Variants in KLF13 observed in about 807,000 individuals in gnomAD.
The protein encoded by KLF13 is Krueppel-like factor 13.
In KLF13, 8 loss-of-function variants were observed where a neutral mutation model predicts 16.7. The observed-to-expected ratio is 0.48, with a 90% CI of 0.28 to 0.87. The LOEUF (loss-of-function observed/expected upper bound fraction) is 0.87, where lower values mean the gene tolerates loss of function less well. KLF13 is among the 40% of genes least tolerant of loss of function. The pLI is 0.10. For missense variants in KLF13, 447 were observed against 452.2 expected (o/e 0.99, Z 0.10); for synonymous variants, 245 against 208.4 (o/e 1.18, Z -1.51).
intron 1 of KLF13, among the ~76,000 whole-genome samples, chr15:31,336,492 A>G (rs556935138): frequency 6.6e-6 from 1 of 152,308 alleles, no homozygotes; most frequent in Admixed American, 6.5e-5. Flanking sequence ...AGGGCCTGTG[A>G]TACAGCCAGA....
At chr15:31,398,119 C>T (rs1341031354) in intron 2 of KLF13, among the ~76,000 whole-genome samples, 5 of 152,208 alleles carry the variant, frequency 3.3e-5, no homozygotes, top group Non-Finnish European at 5.9e-5. Context: ...CCTGATCTCT[C>T]GGATAAGGCC....
intron 2 of KLF13, chr15:31,403,349 A>G (rs1368203892): frequency 1.3e-5 from 2 of 152,138 alleles, no homozygotes; most frequent in Non-Finnish European, 2.9e-5. Flanking sequence ...CACAAACGAG[A>G]TATGCTGTCG....
chr15:31,413,041 C>T (rs922614290), intron 1 of KLF13, among the ~76,000 whole-genome samples: 1 of 152,056 alleles, frequency 6.6e-6, no homozygotes, highest in Non-Finnish European at 1.5e-5. Flanking sequence ...GGCATCAATG[C>T]CCCAGGGCAC....
At chr15:31,345,436 C>T (rs2039098752) in intron 1 of KLF13, among the ~76,000 whole-genome samples, 1 of 152,194 alleles carries the variant, frequency 6.6e-6, no homozygotes, top group Non-Finnish European at 1.5e-5. Context: ...TGCCTCTTTC[C>T]CATTCGGGCA....
chr15:31,377,405 G>A lies in KLF13; in HGVS notation c.*5106G>A, dbSNP rs1056022798. ...AGCAACTATGCATTGTCATTGTCGG[G>A]TTTGGGGCTTTCGGTGGTTCCTTGG... On this transcript the variant is annotated 3_prime_UTR_variant, in exon 2 of 2. Coordinates refer to ENST00000307145, the MANE Select transcript of KLF13 (RefSeq NM_015995.4). 3 of 152,702 alleles carry A rather than the reference G, an allele frequency of 2.0e-5. No individual in the cohort carries two copies. Among genetic ancestry groups the A allele is most frequent in the African/African-American group, 7.2e-5 (3 of 41,448 alleles). The allele number at this position is 152,702 out of a possible 1,614,324, so 9.5% of individuals were successfully genotyped here.
chr15:31,387,666 C>A (rs1020158677), intron 1 of KLF13, among the ~76,000 whole-genome samples: 1 of 152,122 alleles, frequency 6.6e-6, no homozygotes, highest in African/African-American at 2.4e-5. Context: ...TCTTTGTATT[C>A]ACTGTAGGTG....
In KLF13 at chr15:31,423,105, ACG is replaced by A. The variant is rs374279603; in HGVS notation, n.118-12264_118-12263del. ...CATATATATACGTATATATACGTAT[ACG>A]TATACGTATATATACGTATATATAC... On this transcript the variant is annotated intron_variant and non_coding_transcript_variant, in intron 1 of 1. Transcript: ENST00000558225. Among the ~76,000 whole-genome samples the A allele has an allele frequency of 3.4e-4, 30 of 87,524 alleles. 4 individuals carry two copies. Among genetic ancestry groups the A allele is most frequent in the African/African-American group, 1.4e-3 (18 of 12,936 alleles). The allele number at this position is 87,524 out of a possible 152,430, so 57.4% of individuals were successfully genotyped here.
Position 31,377,474 on chromosome 15 carries a change from G to C in KLF13, c.*5175G>C, listed in dbSNP as rs944175346. 6.6e-6 allele frequency: 1 copy of C among 152,612 alleles called. No individual in the cohort carries two copies. Among genetic ancestry groups the C allele is most frequent in the African/African-American group, 2.4e-5 (1 of 41,440 alleles). The allele number at this position is 152,612 out of a possible 1,614,324, so 9.5% of individuals were successfully genotyped here. On this transcript the variant is annotated 3_prime_UTR_variant, in exon 2 of 2. Coordinates refer to ENST00000307145, the MANE Select transcript of KLF13 (RefSeq NM_015995.4). Reference sequence around the variant, plus strand: ...GTGCATGTGTTGGGTGCATGCTTCCGGGTCTCAGCTGCCCCAGGCCCGCAC... The same window carrying C: ...GTGCATGTGTTGGGTGCATGCTTCCCGGTCTCAGCTGCCCCAGGCCCGCAC...
In KLF13 at chr15:31,372,399, C is replaced by A. The variant is rs1285635629; in HGVS notation, c.*100C>A. ...GAGAGAGAACTTGATGCAAAGTCCA[C>A]GAAAAAACAATTTTTTTCACCTCAG... On this transcript the variant is annotated 3_prime_UTR_variant, in exon 2 of 2. Coordinates refer to ENST00000307145, the MANE Select transcript of KLF13 (RefSeq NM_015995.4). The A allele has an allele frequency of 4.0e-6, 5 of 1,248,688 alleles. No homozygotes were observed. Among genetic ancestry groups the A allele is most frequent in the South Asian group, 2.3e-5 (1 of 43,320 alleles). 77.4% of individuals were successfully genotyped at this position (1,248,688 alleles called of 1,614,324 possible).
At chr15:31,408,404 G>A (rs752785384), downstream of KLF13, among the ~76,000 whole-genome samples, 1 of 152,162 alleles carries the variant, frequency 6.6e-6, no homozygotes, top group South Asian at 2.1e-4. Context: ...AACTTAAAAT[G>A]TGGGGATGGA....
At chr15:31,390,304 A>G (rs543521504), upstream of KLF13, among the ~76,000 whole-genome samples, 6 of 152,290 alleles carry the variant, frequency 3.9e-5, no homozygotes, top group African/African-American at 1.4e-4. Context: ...TACATCCTCA[A>G]GTAACTATCC....
intron 2 of KLF13, among the ~76,000 whole-genome samples, chr15:31,394,281 CCTGG>C (rs1228168908): frequency 6.6e-6 from 1 of 151,854 alleles, no homozygotes; most frequent in Non-Finnish European, 1.5e-5. Flanking sequence ...TCGAGACCAT[CCTGG>C]CTAACACGGT....
chr15:31,341,691 C>T (rs2039025082), intron 1 of KLF13, among the ~76,000 whole-genome samples: 1 of 152,070 alleles, frequency 6.6e-6, no homozygotes, highest in Non-Finnish European at 1.5e-5. Context: ...TGTGAGCCAC[C>T]ACACCCAGCC....
chr15:31,363,466 A>G (rs997945023), intron 1 of KLF13, among the ~76,000 whole-genome samples: 1 of 152,198 alleles, frequency 6.6e-6, no homozygotes, highest in Non-Finnish European at 1.5e-5. Context: ...GAAGTATAGT[A>G]TACTGTTTTG....
At chr15:31,356,855 G>A (rs1040220485) in intron 1 of KLF13, among the ~76,000 whole-genome samples, 6 of 152,206 alleles carry the variant, frequency 3.9e-5, no homozygotes, top group African/African-American at 1.2e-4. Flanking sequence ...AGGTGTGCAC[G>A]TGTGTGGAGG....
intron 1 of KLF13, among the ~76,000 whole-genome samples, chr15:31,333,266 G>A (rs1286979788): frequency 1.3e-5 from 2 of 152,218 alleles, no homozygotes; most frequent in African/African-American, 4.8e-5. Flanking sequence ...AGGTCACACA[G>A]TAAGTGAGGG....
chr15:31,389,267 T>C (rs2039831764), upstream of KLF13, among the ~76,000 whole-genome samples: 1 of 152,252 alleles, frequency 6.6e-6, no homozygotes, highest in Non-Finnish European at 1.5e-5. Context: ...GCTTACCATA[T>C]TGTAAGAATG....
At position 31,372,228 on chromosome 15, in the gene KLF13, A is replaced by G. The variant is rs2140967209; in HGVS notation, c.796A>G (p.Thr266Ala). 6.3e-7 allele frequency: 1 copy of G among 1,593,524 alleles called. No homozygotes were observed. Among genetic ancestry groups the G allele is most frequent in the Non-Finnish European group, 8.5e-7 (1 of 1,174,030 alleles). The stretch of plus-strand genomic sequence containing the variant: ...GCAGCGGCGCGGCGGGGGCTCGCGG[A>G]CCGGCTCCCTCAGCGACTACAGCCG... ...MLQRRGGGSR[T>A]GSLSDYSRSD... The change falls in exon 2 of 2, where the codon ACC becomes GCC. Residue 266 changes from threonine (T) to alanine (A), a missense_variant. Coordinates refer to ENST00000307145, the MANE Select transcript of KLF13 (RefSeq NM_015995.4).
Position 31,372,504 on chromosome 15 carries a change from T to C in KLF13, c.*205T>C. 1 of 569,244 alleles carries C rather than the reference T, an allele frequency of 1.8e-6. No individual in the cohort carries two copies. Among genetic ancestry groups the C allele is most frequent in the South Asian group, 2.9e-5 (1 of 34,886 alleles). 35.3% of individuals were successfully genotyped at this position (569,244 alleles called of 1,614,324 possible). A position where few individuals can be genotyped will look rare whatever the true frequency, so the allele number is the denominator to read the frequency against. On this transcript the variant is annotated 3_prime_UTR_variant, in exon 2 of 2. Transcript: ENST00000307145. ...ACCACCCACCAAATTGCACAATAGA[T>C]ACACCCACAAAGTTGAGATTCAGCG... is the stretch of plus-strand genomic sequence containing the variant.
Sources: gnomAD v4.1 joint callset for allele counts (sites outside exome capture counted in the v4.1 genomes callset) on GRCh38, gnomAD v4.1.1 for gene constraint, MANE v1.5 for transcripts, NCBI Gene and HGNC (gene_info 2026-07-23, HGNC 2026-07-21) for gene names.